Variants in SLC36A1 observed in about 807,000 individuals in gnomAD.
SLC36A1 encodes proton-coupled amino acid transporter 1.
Under a neutral mutation model 47.5 loss-of-function variants are expected in SLC36A1, and 30 were observed. That is an observed-to-expected ratio of 0.63 (90% CI 0.47 to 0.86). The LOEUF (loss-of-function observed/expected upper bound fraction) is 0.86, where lower values mean the gene tolerates loss of function less well. SLC36A1 is among the 40% of genes least tolerant of loss of function. The probability of loss-of-function intolerance (pLI) is 0.00; values close to 1 mark genes in which losing one functional copy is unlikely to be tolerated. For missense variants in SLC36A1, 517 were observed against 606.0 expected (o/e 0.85, Z 1.54); for synonymous variants, 255 against 249.7 (o/e 1.02, Z -0.20).
the SLC36A1 span, among the ~76,000 whole-genome samples, chr5:151,352,817 A>T: frequency 6.6e-6 from 1 of 152,212 alleles, no homozygotes; most frequent in Non-Finnish European, 1.5e-5. Context: ...CTATAAAGAT[A>T]CTTGAGATTA....
upstream of SLC36A1, among the ~76,000 whole-genome samples, chr5:151,443,622 A>G (rs1752755793): frequency 6.6e-6 from 1 of 152,196 alleles, no homozygotes; most frequent in South Asian, 2.1e-4. Flanking sequence ...AGCTGCCGTT[A>G]CACTTTGTTG....
chr5:151,418,564 A>T, the SLC36A1 span, among the ~76,000 whole-genome samples: 1 of 152,218 alleles, frequency 6.6e-6, no homozygotes, highest in Non-Finnish European at 1.5e-5. Context: ...TGGAGCCTGT[A>T]GCCCCTTTGT....
the SLC36A1 span, chr5:151,544,653 C>A: frequency 1.9e-5 from 31 of 1,614,170 alleles, no homozygotes; most frequent in African/African-American, 3.6e-4. Flanking sequence ...TGACAAGTAC[C>A]TCTTCCTCAC....
chr5:151,381,829 C>T, the SLC36A1 span, among the ~76,000 whole-genome samples: 3 of 152,162 alleles, frequency 2.0e-5, no homozygotes, highest in African/African-American at 7.2e-5. Context: ...AAAAACTGCC[C>T]CTAAATGCCT....
the SLC36A1 span, among the ~76,000 whole-genome samples, chr5:151,396,135 C>CTATTAT: frequency 6.7e-6 from 1 of 149,452 alleles, no homozygotes; most frequent in Admixed American, 6.7e-5. Context: ...CTTCTTCTTA[C>CTATTAT]TATTATTATT....
chr5:151,476,088 T>C (rs1238974804), intron 8 of SLC36A1, among the ~76,000 whole-genome samples: 1 of 152,284 alleles, frequency 6.6e-6, no homozygotes, highest in Non-Finnish European at 1.5e-5. Flanking sequence ...TCTTTCGCAC[T>C]GCAGTTTCTC....
the SLC36A1 span, among the ~76,000 whole-genome samples, chr5:151,408,101 A>G: frequency 2.6e-5 from 4 of 152,316 alleles, no homozygotes; most frequent in African/African-American, 9.6e-5. Flanking sequence ...CTCCTTCCAT[A>G]AAGTAAGAAA....
At chr5:151,421,749 C>A in the SLC36A1 span, among the ~76,000 whole-genome samples, 1 of 151,722 alleles carries the variant, frequency 6.6e-6, no homozygotes, top group Non-Finnish European at 1.5e-5. Context: ...TGCCACCATG[C>A]CCAGCTAATT....
At chr5:151,537,220 A>G in the SLC36A1 span, among the ~76,000 whole-genome samples, 41 of 151,010 alleles carry the variant, frequency 2.7e-4, no homozygotes, top group East Asian at 2.7e-3. Flanking sequence ...AGGAAGAAGA[A>G]GAGGAGGAGG....
rs187662461 is a variant in SLC36A1, at chr5:151,455,613, C to T, written c.-5-3175C>T. 4.6e-5 allele frequency among the ~76,000 whole-genome samples: 7 copies of T among 152,164 alleles called. No individual in the cohort carries two copies. In the East Asian group the frequency reaches 1.4e-3, roughly 29 times the overall value. ...GGGCAATTAATAAGTCCCTGTATTC[C>T]ATCCTTTCACCTTCAGTAATATATA... is the stretch of plus-strand genomic sequence containing the variant. On this transcript the variant is annotated intron_variant, in intron 1 of 10. Transcript: ENST00000243389.
the SLC36A1 span, among the ~76,000 whole-genome samples, chr5:151,402,582 C>T: frequency 6.6e-6 from 1 of 152,204 alleles, no homozygotes; most frequent in South Asian, 2.1e-4. Flanking sequence ...ATTCTTTGTA[C>T]ATCTAATAGA....
chr5:151,487,059 A>C (rs1332031184), intron 10 of SLC36A1, among the ~76,000 whole-genome samples: 1 of 152,222 alleles, frequency 6.6e-6, no homozygotes, highest in Non-Finnish European at 1.5e-5. Flanking sequence ...TACCTTCCCC[A>C]ATGTCACTCA....
chr5:151,438,383 G>T (rs1484158256), intron 1 of SLC36A1, among the ~76,000 whole-genome samples: 1 of 148,200 alleles, frequency 6.7e-6, no homozygotes, highest in Non-Finnish European at 1.5e-5. Context: ...AGAACAGGCT[G>T]TTCTTAACTA....
At chr5:151,532,067 C>A in the SLC36A1 span, 5 of 1,496,202 alleles carry the variant, frequency 3.3e-6, no homozygotes, top group African/African-American at 2.8e-5. Flanking sequence ...TGGGGAGGGG[C>A]TCCCATGAAG....
At chr5:151,446,391 G>A (rs188011527), upstream of SLC36A1, among the ~76,000 whole-genome samples, 202 of 152,234 alleles carry the variant, frequency 1.3e-3, no homozygotes, top group East Asian at 5.2e-3. Context: ...TTAGTCGCGC[G>A]TGGTGGCACG....
Position 151,479,950 on chromosome 5 carries a change from T to G in SLC36A1, c.1159+461T>G, listed in dbSNP as rs1758589605. On this transcript the variant is annotated intron_variant, in intron 10 of 10. Transcript: ENST00000243389. ...CTTTATGATAGTATTCTAGACATTT[T>G]TTAATGTCAGTCTTACTAAATATGT... 1.8e-5 allele frequency: 11 copies of G among 616,494 alleles called. No homozygotes were observed. The South Asian group carries it at 2.4e-4, about 13-fold the overall frequency. 38.2% of individuals were successfully genotyped at this position (616,494 alleles called of 1,614,324 possible).
chr5:151,477,164 G>A (rs1235730844), intron 9 of SLC36A1, among the ~76,000 whole-genome samples: 5 of 152,226 alleles, frequency 3.3e-5, no homozygotes, highest in Non-Finnish European at 7.3e-5. Flanking sequence ...CTCACTGTGA[G>A]CCGGGGATTG....
chr5:151,444,585 A>T (rs906567362), upstream of SLC36A1, among the ~76,000 whole-genome samples: 1 of 152,192 alleles, frequency 6.6e-6, no homozygotes, highest in Non-Finnish European at 1.5e-5. Context: ...TCCCAGGTTC[A>T]AACAATTCTC....
upstream of SLC36A1, among the ~76,000 whole-genome samples, chr5:151,447,165 T>C (rs1275719385): frequency 1.3e-5 from 2 of 152,208 alleles, no homozygotes; most frequent in Non-Finnish European, 2.9e-5. Flanking sequence ...TTTAAAAATT[T>C]GAATGTATTA....
Sources: gnomAD v4.1 joint callset for allele counts (sites outside exome capture counted in the v4.1 genomes callset) on GRCh38, gnomAD v4.1.1 for gene constraint, MANE v1.5 for transcripts, NCBI Gene and HGNC (gene_info 2026-07-23, HGNC 2026-07-21) for gene names.